The following CSMD3 variants were observed in gnomAD, a reference collection of about 807,000 sequenced individuals.
The protein encoded by CSMD3 is CUB and sushi domain-containing protein 3.
A neutral mutation model predicts 435.2 loss-of-function variants in CSMD3; 177 were observed. That is an observed-to-expected ratio of 0.41 (90% confidence interval 0.36 to 0.46). The LOEUF is 0.46. Among genes scored for constraint, CSMD3 ranks in the 20% least tolerant of loss-of-function variants. CSMD3 has a pLI of 0.34. For synonymous variants in CSMD3, 1,656 were observed against 1,520.5 expected, an observed-to-expected ratio of 1.09 and a Z score of -2.07; for missense variants, 4,265 against 4,504.6, an observed-to-expected ratio of 0.95 and a Z score of 1.52.
At chr8:113,097,064 G>T (rs2090185784) in intron 5 of CSMD3, among the ~76,000 whole-genome samples, 1 of 151,928 alleles carries the variant, frequency 6.6e-6, no homozygotes, top group Non-Finnish European at 1.5e-5. Flanking sequence ...CACCTCCCTA[G>T]ATCTCAGGTT....
chr8:113,088,098 C>T (rs112390500), intron 5 of CSMD3, among the ~76,000 whole-genome samples: 9,833 of 149,922 alleles, frequency 0.066, 428 homozygotes, highest in Non-Finnish European at 0.093. Flanking sequence ...AGCCAAAAAA[C>T]ACATGAAAAA....
chr8:112,645,261 G>GT, intron 19 of CSMD3, 36 bp from the exon 20 acceptor site: 1 of 1,120,156 alleles, frequency 8.9e-7, no homozygotes, highest in South Asian at 1.2e-5. Flanking sequence ...GTGATCAGCA[G>GT]TGAGAGAGAC....
At chr8:112,379,684 TG>T (rs1829291273) in intron 38 of CSMD3, among the ~76,000 whole-genome samples, 1 of 152,166 alleles carries the variant, frequency 6.6e-6, no homozygotes, top group Non-Finnish European at 1.5e-5. Flanking sequence ...AAGATGCATA[TG>T]GAACCACAAA....
intron 1 of CSMD3, among the ~76,000 whole-genome samples, chr8:113,382,811 T>C (rs565272862): frequency 1.3e-5 from 2 of 151,914 alleles, no homozygotes; most frequent in African/African-American, 4.8e-5. Flanking sequence ...TGAAACCCCG[T>C]CTCTACTAAA....
chr8:113,088,266 T>C (rs1312239830), intron 5 of CSMD3, among the ~76,000 whole-genome samples: 1 of 151,230 alleles, frequency 6.6e-6, no homozygotes, highest in African/African-American at 2.4e-5. Flanking sequence ...TTGGTGGGAC[T>C]GTAAACTAGT....
intron 11 of CSMD3, among the ~76,000 whole-genome samples, chr8:112,832,749 T>C (rs1008409734): frequency 6.6e-6 from 1 of 152,142 alleles, no homozygotes; most frequent in African/African-American, 2.4e-5. Context: ...CAGATATCCA[T>C]GCCCAGACTC....
At chr8:112,892,410 A>G (rs919935648) in intron 10 of CSMD3, among the ~76,000 whole-genome samples, 4 of 151,534 alleles carry the variant, frequency 2.6e-5, no homozygotes, top group Non-Finnish European at 5.9e-5. Context: ...TCTCATTGCC[A>G]TTTTTGGAAA....
intron 32 of CSMD3, among the ~76,000 whole-genome samples, chr8:112,461,984 T>C (rs568701023): frequency 6.6e-6 from 1 of 152,292 alleles, no homozygotes; most frequent in African/African-American, 2.4e-5. Flanking sequence ...AACTAGGAAG[T>C]CCCTTGGGGA....
chr8:113,099,135 A>C (rs2090256269), intron 4 of CSMD3, among the ~76,000 whole-genome samples, 172 bp from the exon 5 acceptor site: 1 of 152,050 alleles, frequency 6.6e-6, no homozygotes, highest in Admixed American at 6.6e-5. Flanking sequence ...GAAAAAATGT[A>C]TCAGCACATA....
rs78209060 is a variant in CSMD3, at chr8:113,257,522, C to T, written c.514+21070G>A. ...CAGAGATGCTCTGGAAGCTCTGTAC[C>T]CTTTCCCTCATCCCTTGTCTAATCT... is the stretch of plus-strand genomic sequence containing the variant. On this transcript the variant is annotated intron_variant, in intron 3 of 70. Transcript: ENST00000297405. 2.8e-3 allele frequency among the ~76,000 whole-genome samples: 419 copies of T among 152,248 alleles called. 1 individual carries two copies. Among genetic ancestry groups the T allele is most frequent in the Admixed American group, 5.4e-3 (82 of 15,300 alleles).
At chr8:113,253,860 AAAG>A (rs2093356919) in intron 3 of CSMD3, among the ~76,000 whole-genome samples, 1 of 152,014 alleles carries the variant, frequency 6.6e-6, no homozygotes, top group African/African-American at 2.4e-5. Flanking sequence ...AAAGAAAAGA[AAAG>A]AAATGAAACT....
intron 4 of CSMD3, among the ~76,000 whole-genome samples, chr8:113,166,040 T>C (rs551712328): frequency 6.6e-6 from 1 of 152,194 alleles, no homozygotes; most frequent in African/African-American, 2.4e-5. Context: ...GTGGATCTTT[T>C]TGCATGAAAT....
intron 66 of CSMD3, among the ~76,000 whole-genome samples, chr8:112,241,253 AAAGTTT>A (rs1814110903): frequency 6.6e-6 from 1 of 152,048 alleles, no homozygotes; most frequent in Admixed American, 6.6e-5. Flanking sequence ...GTAGGGCTTT[AAAGTTT>A]ATGTTTTTAT....
At chr8:112,926,990 G>T (rs894483304) in intron 9 of CSMD3, among the ~76,000 whole-genome samples, 1 of 152,000 alleles carries the variant, frequency 6.6e-6, no homozygotes, top group African/African-American at 2.4e-5. Context: ...CATGACAGAT[G>T]ATCTAAAAAT....
intron 3 of CSMD3, among the ~76,000 whole-genome samples, chr8:113,237,371 G>A (rs1388076145): frequency 1.3e-5 from 2 of 152,134 alleles, no homozygotes; most frequent in African/African-American, 4.8e-5. Flanking sequence ...AGGGTTCACT[G>A]TAGTCAATCT....
chr8:112,647,504 C>A (rs1315979222), intron 19 of CSMD3, among the ~76,000 whole-genome samples: 1 of 152,054 alleles, frequency 6.6e-6, no homozygotes, highest in Non-Finnish European at 1.5e-5. Context: ...AGACAGGTTT[C>A]ACTGTGTTAG....
intron 1 of CSMD3, among the ~76,000 whole-genome samples, chr8:113,337,285 G>C (rs1422988005): frequency 2.6e-5 from 4 of 152,036 alleles, no homozygotes; most frequent in African/African-American, 7.2e-5. Context: ...AGGGTTTTTA[G>C]TTGTTTGTAG....
chr8:113,282,528 A>G (rs1295036735), intron 2 of CSMD3, among the ~76,000 whole-genome samples: 1 of 152,104 alleles, frequency 6.6e-6, no homozygotes, highest in African/African-American at 2.4e-5. Context: ...AACCTAAGCT[A>G]GGAGTCAAAA....
intron 45 of CSMD3, among the ~76,000 whole-genome samples, chr8:112,327,611 C>T (rs1294522839): frequency 6.6e-6 from 1 of 152,118 alleles, no homozygotes; most frequent in Non-Finnish European, 1.5e-5. Context: ...TAAAAATACA[C>T]ATTGGAACTA....
Sources: gnomAD v4.1 joint callset for allele counts (sites outside exome capture counted in the v4.1 genomes callset) on GRCh38, gnomAD v4.1.1 for gene constraint, MANE v1.5 for transcripts, NCBI Gene and HGNC (gene_info 2026-07-23, HGNC 2026-07-21) for gene names.